Variants in CREBBP observed in about 807,000 individuals in gnomAD.
CREBBP encodes CREB-binding protein.
In CREBBP, 19 loss-of-function variants were observed where a neutral mutation model predicts 265.0. That is an observed-to-expected ratio of 0.07 (90% CI 0.05 to 0.11). The LOEUF is 0.11. CREBBP is among the 10% of genes least tolerant of loss of function. The probability of loss-of-function intolerance (pLI) is 1.00; values close to 1 mark genes in which losing one functional copy is unlikely to be tolerated. For missense variants in CREBBP, 2,525 were observed against 3,219.0 expected (o/e 0.78, Z 5.22); for synonymous variants, 1,457 against 1,223.7 (o/e 1.19, Z -3.98).
At chr16:3,755,999 G>C (rs555689684) in intron 19 of CREBBP, among the ~76,000 whole-genome samples, 84 of 151,846 alleles carry the variant, frequency 5.5e-4, no homozygotes, top group African/African-American at 2.0e-3. Context: ...ATTTTGATGG[G>C]AGTTATTACT....
chr16:3,788,221 A>G (rs1325957779), intron 5 of CREBBP, among the ~76,000 whole-genome samples: 1 of 152,162 alleles, frequency 6.6e-6, no homozygotes, highest in Non-Finnish European at 1.5e-5. Flanking sequence ...AAACCCTCTC[A>G]CCAGCACTGG....
intron 2 of CREBBP, among the ~76,000 whole-genome samples, chr16:3,812,554 A>C (rs2141352955): frequency 6.6e-6 from 1 of 151,688 alleles, no homozygotes; most frequent in East Asian, 1.9e-4. Context: ...AAAGGCAGGA[A>C]TGGGAAAGAG....
intron 30 of CREBBP, among the ~76,000 whole-genome samples, 198 bp from the exon 31 acceptor site, chr16:3,730,072 C>T (rs1161304912): frequency 1.3e-5 from 2 of 152,052 alleles, no homozygotes; most frequent in Non-Finnish European, 1.5e-5. Context: ...GGATCATGGA[C>T]GGGATGGGAT....
intron 3 of CREBBP, among the ~76,000 whole-genome samples, chr16:3,808,385 G>A (rs2053873228): frequency 6.6e-6 from 1 of 152,228 alleles, no homozygotes; most frequent in Admixed American, 6.5e-5. Context: ...GGAGAAGGCT[G>A]TAAGCACCCA....
intron 19 of CREBBP, among the ~76,000 whole-genome samples, chr16:3,756,409 C>A (rs541405682): frequency 2.0e-5 from 3 of 152,232 alleles, no homozygotes; most frequent in African/African-American, 7.2e-5. Flanking sequence ...TCCAAAACTA[C>A]GCAAGCTGTA....
At chr16:3,784,877 G>C (rs1004185124) in intron 5 of CREBBP, among the ~76,000 whole-genome samples, 1 of 152,102 alleles carries the variant, frequency 6.6e-6, no homozygotes, top group Non-Finnish European at 1.5e-5. Context: ...CTGCTGACAC[G>C]GTCACTGCAT....
intron 19 of CREBBP, among the ~76,000 whole-genome samples, chr16:3,754,148 T>C (rs1279227771): frequency 6.6e-6 from 1 of 152,182 alleles, no homozygotes; most frequent in Non-Finnish European, 1.5e-5. Flanking sequence ...ACAGACTCCT[T>C]GTCTGCCTCA....
chr16:3,867,597 C>T (rs1313459718), intron 1 of CREBBP, among the ~76,000 whole-genome samples: 1 of 151,868 alleles, frequency 6.6e-6, no homozygotes, highest in African/African-American at 2.4e-5. Context: ...AACATTTTAC[C>T]GTTAAAAAAG....
chr16:3,766,049 T>C (rs1219272126), intron 16 of CREBBP, among the ~76,000 whole-genome samples: 3 of 152,314 alleles, frequency 2.0e-5, no homozygotes, highest in South Asian at 2.1e-4. Flanking sequence ...TTAACAAATG[T>C]TGATTTTTTT....
At chr16:3,818,889 C>T (rs534258920) in intron 2 of CREBBP, among the ~76,000 whole-genome samples, 1 of 152,320 alleles carries the variant, frequency 6.6e-6, no homozygotes, top group East Asian at 1.9e-4. Context: ...AAGGGGCCCC[C>T]CGGAAAGGGC....
At chr16:3,857,388 G>T (rs1480181399) in intron 1 of CREBBP, among the ~76,000 whole-genome samples, 2 of 152,148 alleles carry the variant, frequency 1.3e-5, no homozygotes, top group Non-Finnish European at 1.5e-5. Flanking sequence ...TTTTTAAAAG[G>T]CAAGATAGGG....
chr16:3,760,391 GTTTTTT>G (rs35861892), intron 16 of CREBBP, among the ~76,000 whole-genome samples: 1 of 75,944 alleles, frequency 1.3e-5, no homozygotes, highest in South Asian at 4.9e-4. Context: ...TCATGCCCAG[GTTTTTT>G]TTTTTTTTTT....
chr16:3,769,098 G>T lies in CREBBP; in HGVS notation c.3060+76C>A, dbSNP rs774070869. On this transcript the variant is annotated intron_variant, in intron 15 of 30. Coordinates refer to ENST00000262367, the MANE Select transcript of CREBBP (RefSeq NM_004380.3). Reference sequence around the variant, plus strand: ...CTAAAGTCAGGGATACCCATGGCAGGCTCCAAGCCTCGCCCGAGGACACCT... The same window carrying T: ...CTAAAGTCAGGGATACCCATGGCAGTCTCCAAGCCTCGCCCGAGGACACCT... The T allele has an allele frequency of 4.1e-4, 627 of 1,538,418 alleles. 3 individuals carry two copies. The highest frequency in any genetic ancestry group is 1.4e-3 in the Middle Eastern group (6 of 4,414).
chr16:3,753,566 T>C (rs531283094), intron 19 of CREBBP, among the ~76,000 whole-genome samples: 2 of 152,308 alleles, frequency 1.3e-5, no homozygotes, highest in Middle Eastern at 3.4e-3. Flanking sequence ...ATTTTTTTTT[T>C]CCCTGAATGA....
chr16:3,851,631 G>T lies in CREBBP; in HGVS notation c.86-622C>A, dbSNP rs1000990545. ...GCACTTTGGGAGGCTGAGGCAGGCG[G>T]ATCACGAGGTCAGGAGAGCGAGACC... On this transcript the variant is annotated intron_variant, in intron 1 of 30. Coordinates refer to ENST00000262367, the MANE Select transcript of CREBBP (RefSeq NM_004380.3). 4.0e-5 allele frequency among the ~76,000 whole-genome samples: 6 copies of T among 151,044 alleles called. No individual in the cohort carries two copies. The South Asian group carries it at 1.1e-3, about 26-fold the overall frequency.
At chr16:3,802,943 C>T (rs2053748342) in intron 3 of CREBBP, among the ~76,000 whole-genome samples, 1 of 152,060 alleles carries the variant, frequency 6.6e-6, no homozygotes, top group Non-Finnish European at 1.5e-5. Flanking sequence ...GCAATAACCA[C>T]TTGCTCAGGT....
rs2053919779 is a variant in CREBBP, at chr16:3,810,620, TGAC to T, written c.955_957del (p.Val319del). 3 of 1,613,670 alleles carry T rather than the reference TGAC, an allele frequency of 1.9e-6. No individual in the cohort carries two copies. Among genetic ancestry groups the T allele is most frequent in the Non-Finnish European group, 1.7e-6 (2 of 1,179,972 alleles). ...TAACTTACCATATTTGGCACGTTGG[TGAC>T]TGAAGTATTCTTGATATCTGTAGGG... On this transcript the variant is annotated inframe_deletion, in exon 3 of 31. Transcript: ENST00000262367.
At chr16:3,827,514 C>G (rs1028989241) in intron 2 of CREBBP, among the ~76,000 whole-genome samples, 1 of 152,114 alleles carries the variant, frequency 6.6e-6, no homozygotes, top group African/African-American at 2.4e-5. Context: ...GCCTCAGACT[C>G]CCGAGTAGCT....
intron 1 of CREBBP, among the ~76,000 whole-genome samples, chr16:3,869,454 C>T (rs947439221): frequency 2.6e-5 from 4 of 152,128 alleles, no homozygotes; most frequent in Admixed American, 6.5e-5. Flanking sequence ...AAAAGATGAT[C>T]GTTTTAAAGG....
Sources: allele counts gnomAD v4.1 joint callset (sites outside exome capture counted in the v4.1 genomes callset), GRCh38; gene constraint gnomAD v4.1.1; transcripts MANE v1.5; gene names NCBI Gene and HGNC (gene_info 2026-07-23, HGNC 2026-07-21).